The following EPB41L1 variants were observed in gnomAD, a reference collection of about 807,000 sequenced individuals.
The protein encoded by EPB41L1 is band 4.1-like protein 1.
Under a neutral mutation model 97.8 loss-of-function variants are expected in EPB41L1, and 29 were observed. The observed-to-expected ratio is 0.30, with a 90% CI of 0.22 to 0.40. The LOEUF is 0.40. Among genes scored for constraint, EPB41L1 ranks in the 10% least tolerant of loss-of-function variants. EPB41L1 has a pLI of 1.00. For missense variants in EPB41L1, 812 were observed against 1,162.3 expected (o/e 0.70, Z 4.38); for synonymous variants, 383 against 459.2 (o/e 0.83, Z 2.12).
intron 2 of EPB41L1, chr20:36,125,536 T>C: frequency 6.5e-7 from 1 of 1,534,958 alleles, no homozygotes; most frequent in East Asian, 2.4e-5. Context: ...AGGTGAGCTA[T>C]TATCTTCCAT....
At chr20:36,153,144 G>A, upstream of EPB41L1, 1 of 455,788 alleles carries the variant, frequency 2.2e-6, no homozygotes, top group Non-Finnish European at 4.4e-6. Context: ...TGGTACAAAG[G>A]GACGCAATTG....
In EPB41L1 at chr20:36,206,693, C is replaced by G; in HGVS notation, c.1669-2795C>G. 7.8e-7 allele frequency: 1 copy of G among 1,289,884 alleles called. No individual in the cohort carries two copies. The highest frequency in any genetic ancestry group is 1.0e-6 in the Non-Finnish European group (1 of 988,888). The allele number at this position is 1,289,884 out of a possible 1,614,324, so 79.9% of individuals were successfully genotyped here. A position where few individuals can be genotyped will look rare whatever the true frequency, so the allele number is the denominator to read the frequency against. ...GGGACCCCCAAGAACCATGGAGGACCTGGTGACCTGAAGGGATCTCCCGCA... is the reference window on the plus strand; with the variant it reads ...GGGACCCCCAAGAACCATGGAGGACGTGGTGACCTGAAGGGATCTCCCGCA... On this transcript the variant is annotated intron_variant, in intron 14 of 21. Transcript: ENST00000338074. The surrounding 1 kb of genome is among the most constrained non-coding windows in gnomAD (Gnocchi z 5.5).
chr20:36,170,279 C>G (rs2060933830), intron 1 of EPB41L1, among the ~76,000 whole-genome samples: 1 of 152,020 alleles, frequency 6.6e-6, no homozygotes, highest in African/African-American at 2.4e-5. Flanking sequence ...TAAACTCATT[C>G]AAGGAATCTC....
At position 36,206,082 on chromosome 20, in the gene EPB41L1, T is replaced by G; in HGVS notation, c.1669-3406T>G. 1 of 1,289,832 alleles carries G rather than the reference T, an allele frequency of 7.8e-7. No homozygotes were observed. Among genetic ancestry groups the G allele is most frequent in the Non-Finnish European group, 1.0e-6 (1 of 988,876 alleles). The allele number at this position is 1,289,832 out of a possible 1,614,324, so 79.9% of individuals were successfully genotyped here. On this transcript the variant is annotated intron_variant, in intron 14 of 21. Transcript: ENST00000338074. The surrounding 1 kb of genome is among the most constrained non-coding windows in gnomAD (Gnocchi z 5.5). The stretch of plus-strand genomic sequence containing the variant: ...ACACCCAGCAACAAGGAAAAATGAT[T>G]GCAAGTCCTGAAGACTTTGAGTCAG...
chr20:36,140,539 A>G (rs1279042647), intron 2 of EPB41L1, among the ~76,000 whole-genome samples: 1 of 152,214 alleles, frequency 6.6e-6, no homozygotes, highest in African/African-American at 2.4e-5. Flanking sequence ...GCACTGAATA[A>G]AGTAGCTGTT....
At chr20:36,116,726 G>A (rs1010465330) in intron 2 of EPB41L1, among the ~76,000 whole-genome samples, 15 of 152,158 alleles carry the variant, frequency 9.9e-5, no homozygotes, top group Non-Finnish European at 1.9e-4. Context: ...CCATGGAGGG[G>A]CTCCTTTCTC....
intron 6 of EPB41L1, 106 bp downstream of exon 6, chr20:36,182,453 A>G: frequency 2.4e-6 from 3 of 1,259,700 alleles, no homozygotes; most frequent in Non-Finnish European, 3.5e-6. Context: ...CTGCAAATGC[A>G]GTCGCCTACC....
chr20:36,165,748 G>A (rs910054080), intron 1 of EPB41L1, among the ~76,000 whole-genome samples: 2 of 152,164 alleles, frequency 1.3e-5, no homozygotes, highest in Admixed American at 6.5e-5. Context: ...TGATCAGATC[G>A]GAAGTGGAAG....
In EPB41L1 at chr20:36,209,530, C is replaced by T. The variant is rs2063012366; in HGVS notation, c.1711C>T (p.Pro571Ser). ...REGSEEKVKP[P>S]RPRAPESDTG... ...GGGCTCCGAGGAGAAAGTCAAACCA[C>T]CACGTCCCCGGGCCCCAGAGAGTGA... The change falls in exon 15 of 22, where the codon CCA becomes TCA. Residue 571 changes from proline (P) to serine (S), a missense_variant. Transcript: ENST00000338074. This position sits in a 1 kb window ranked among gnomAD's most constrained non-coding sequence, Gnocchi z 4.2. 3 of 1,613,884 alleles carry T rather than the reference C, an allele frequency of 1.9e-6. No homozygotes were observed. Among genetic ancestry groups the T allele is most frequent in the Admixed American group, 1.7e-5 (1 of 59,976 alleles).
Position 36,166,040 on chromosome 20 carries a change from A to G in EPB41L1, c.-14-7724A>G, listed in dbSNP as rs143921493. On this transcript the variant is annotated intron_variant, in intron 1 of 21. Transcript: ENST00000338074. ...TATCAGGACTTTGGATGGAAACATC[A>G]GGTGTTGAGATAAAATAAATCATCA... is the stretch of plus-strand genomic sequence containing the variant. Among the ~76,000 whole-genome samples the G allele has an allele frequency of 3.9e-5, 6 of 152,388 alleles. 1 individual carries two copies. The East Asian group carries it at 1.2e-3, about 29-fold the overall frequency.
At chr20:36,146,791 G>C (rs1219294107) in intron 2 of EPB41L1, among the ~76,000 whole-genome samples, 2 of 151,934 alleles carry the variant, frequency 1.3e-5, no homozygotes, top group East Asian at 3.9e-4. Context: ...GGTCTGGCTT[G>C]GGGGGTTATG....
intron 21 of EPB41L1, 99 bp downstream of exon 21, chr20:36,222,493 C>T: frequency 2.1e-6 from 2 of 966,194 alleles, no homozygotes; most frequent in Non-Finnish European, 3.3e-6. Context: ...GGCTTGACCC[C>T]TAGTGCAGCT....
chr20:36,232,433 G>C lies in EPB41L1; in HGVS notation c.*3093G>C. On this transcript the variant is annotated 3_prime_UTR_variant, in exon 22 of 22. Transcript: ENST00000338074. Reference sequence around the variant, plus strand: ...CTTGCAAAATAAGCAGAAAGAACCAGATGCTCTCCAGGGTCTTTTTCTACT... The same window carrying C: ...CTTGCAAAATAAGCAGAAAGAACCACATGCTCTCCAGGGTCTTTTTCTACT... 2.5e-6 allele frequency: 1 copy of C among 395,120 alleles called. No individual in the cohort carries two copies. Among genetic ancestry groups the C allele is most frequent in the Non-Finnish European group, 4.5e-6 (1 of 224,160 alleles). The allele number at this position is 395,120 out of a possible 1,614,324, so 24.5% of individuals were successfully genotyped here.
intron 1 of EPB41L1, among the ~76,000 whole-genome samples, chr20:36,168,578 T>C (rs989885208): frequency 6.6e-6 from 1 of 151,684 alleles, no homozygotes; most frequent in African/African-American, 2.4e-5. Flanking sequence ...GTTGACAGGC[T>C]GGGGTGCAGT....
chr20:36,189,028 C>T (rs767085181), intron 9 of EPB41L1, among the ~76,000 whole-genome samples: 3 of 152,132 alleles, frequency 2.0e-5, no homozygotes, highest in South Asian at 2.1e-4. Flanking sequence ...TACACAGACT[C>T]GACTATACAT....
At chr20:36,098,583 C>T (rs2057909705) in intron 1 of EPB41L1, among the ~76,000 whole-genome samples, 1 of 152,206 alleles carries the variant, frequency 6.6e-6, no homozygotes, top group Non-Finnish European at 1.5e-5. Context: ...TCTAAGGACA[C>T]CAGTCATATG....
At chr20:36,165,033 G>A (rs2060682606) in intron 1 of EPB41L1, among the ~76,000 whole-genome samples, 1 of 151,972 alleles carries the variant, frequency 6.6e-6, no homozygotes, top group African/African-American at 2.4e-5. Flanking sequence ...CCAGGCTGGA[G>A]TGCAGTGGTG....
rs1322418724 is a variant in EPB41L1 at position 36,092,591 on chromosome 20, C to T, written c.-65+979C>T. 3 of 151,976 alleles carry T rather than the reference C, an allele frequency of 2.0e-5. No individual in the cohort carries two copies. Among genetic ancestry groups the T allele is most frequent in the Non-Finnish European group, 4.4e-5 (3 of 68,134 alleles). The allele number at this position is 151,976 out of a possible 1,614,324, so 9.4% of individuals were successfully genotyped here. A position where few individuals can be genotyped will look rare whatever the true frequency, so the allele number is the denominator to read the frequency against. ...CTTGGGGGGCCGGGATCGCCGCCGCCTCCTCCGGGGGAGCCGGCCGGGGCG... is the reference window on the plus strand; with the variant it reads ...CTTGGGGGGCCGGGATCGCCGCCGCTTCCTCCGGGGGAGCCGGCCGGGGCG... On this transcript the variant is annotated intron_variant, in intron 1 of 19. Transcript: ENST00000202028. This position sits in a 1 kb window ranked among gnomAD's most constrained non-coding sequence, Gnocchi z 7.0.
chr20:36,094,400 G>A (rs1202850526), intron 1 of EPB41L1, among the ~76,000 whole-genome samples: 3 of 152,178 alleles, frequency 2.0e-5, no homozygotes, highest in Non-Finnish European at 4.4e-5. Context: ...TTCAGATACC[G>A]GTACTGAAAT....
Sources: gnomAD v4.1 joint callset for allele counts (sites outside exome capture counted in the v4.1 genomes callset) on GRCh38, gnomAD v4.1.1 for gene constraint, Gnocchi (gnomAD v3.1) non-coding constraint, MANE v1.5 for transcripts, NCBI Gene and HGNC (gene_info 2026-07-23, HGNC 2026-07-21) for gene names.